CDC42BPB: variants seen among roughly 807,000 people sequenced by gnomAD.
CDC42BPB encodes CDC42 binding protein kinase beta.
CDC42BPB carries 37 observed loss-of-function variants against 214.9 expected under a neutral mutation model. The observed-to-expected ratio is 0.17, with a 90% CI of 0.13 to 0.23. CDC42BPB has a LOEUF of 0.23. Among genes scored for constraint, CDC42BPB ranks in the 10% least tolerant of loss-of-function variants. The pLI, the probability that CDC42BPB is intolerant of heterozygous loss-of-function variation, is 1.00. For missense variants in CDC42BPB, 1,694 were observed against 2,227.0 expected (o/e 0.76, Z 4.82); for synonymous variants, 931 against 884.0 (o/e 1.05, Z -0.94).
At chr14:102,978,978 G>A (rs1399703990) in intron 8 of CDC42BPB, among the ~76,000 whole-genome samples, 2 of 152,206 alleles carry the variant, frequency 1.3e-5, no homozygotes, top group Non-Finnish European at 2.9e-5. Flanking sequence ...CTGTATTCCA[G>A]CCTGGGTGAC....
At chr14:102,987,959 G>A (rs1270352124) in intron 5 of CDC42BPB, among the ~76,000 whole-genome samples, 1 of 151,626 alleles carries the variant, frequency 6.6e-6, no homozygotes, top group Non-Finnish European at 1.5e-5. Flanking sequence ...GGGCGACAGA[G>A]CAAGACCCTG....
In CDC42BPB at chr14:103,008,462, C is replaced by T; in HGVS notation, c.351+10G>A. 6.4e-7 allele frequency: 1 copy of T among 1,569,928 alleles called. No individual in the cohort carries two copies. The highest frequency in any genetic ancestry group is 8.8e-7 in the Non-Finnish European group (1 of 1,139,662). On this transcript the variant is annotated intron_variant, in intron 3 of 36. Transcript: ENST00000361246. ...CCCCATTTGTATGGCTTTTCAAGCT[C>T]CATACTTACCTCTGCTCTTTTCAGC... is the stretch of plus-strand genomic sequence containing the variant.
chr14:102,961,678 G>A (rs1892968880), intron 20 of CDC42BPB, among the ~76,000 whole-genome samples: 2 of 151,992 alleles, frequency 1.3e-5, no homozygotes, highest in Admixed American at 1.3e-4. Flanking sequence ...TGAGTAGCTG[G>A]GATTACAGGC....
At position 102,933,584 on chromosome 14, in the gene CDC42BPB, C is replaced by G; in HGVS notation, c.*128G>C. ...GATCAATATTATAATAAAGATTTGT[C>G]TTCTTCATCTCCATATCTACAAAGT... On this transcript the variant is annotated 3_prime_UTR_variant, in exon 37 of 37. Transcript: ENST00000361246. 1 of 731,496 alleles carries G rather than the reference C, an allele frequency of 1.4e-6. No homozygotes were observed. The highest frequency in any genetic ancestry group is 2.0e-6 in the Non-Finnish European group (1 of 497,178). 45.3% of individuals were successfully genotyped at this position (731,496 alleles called of 1,614,324 possible).
chr14:102,946,203 T>A (rs1190028236), intron 28 of CDC42BPB, among the ~76,000 whole-genome samples: 1 of 152,152 alleles, frequency 6.6e-6, no homozygotes. Context: ...ATTTTTTTTT[T>A]TAGCAGAGAC....
At chr14:102,996,283 TG>T (rs1226033698) in intron 5 of CDC42BPB, among the ~76,000 whole-genome samples, 5 of 152,100 alleles carry the variant, frequency 3.3e-5, no homozygotes, top group Admixed American at 3.3e-4. Context: ...GAGCTTGCAG[TG>T]AGCTGAGATG....
Position 103,004,270 on chromosome 14 carries a change from C to G in CDC42BPB, c.352-247G>C, listed in dbSNP as rs1476545235. 1.0e-6 allele frequency: 1 copy of G among 971,622 alleles called. No individual in the cohort carries two copies. The highest frequency in any genetic ancestry group is 4.3e-5 in the East Asian group (1 of 23,016). 60.2% of individuals were successfully genotyped at this position (971,622 alleles called of 1,614,324 possible). On this transcript the variant is annotated intron_variant, in intron 3 of 36. Transcript: ENST00000361246. This position sits in a 1 kb window ranked among gnomAD's most constrained non-coding sequence, Gnocchi z 5.3. Reference sequence around the variant, plus strand: ...TTGCACCCTGCTGTCCCACGGGCACCATTTCTGTGGCTGACACTTAGATTC... The same window carrying G: ...TTGCACCCTGCTGTCCCACGGGCACGATTTCTGTGGCTGACACTTAGATTC...
intron 1 of CDC42BPB, chr14:103,041,501 A>G: frequency 7.2e-7 from 1 of 1,382,438 alleles, no homozygotes. Flanking sequence ...TGGAAGCCCC[A>G]CTTCCACAAG....
intron 7 of CDC42BPB, chr14:102,981,283 T>C (rs1893985501): frequency 1.4e-6 from 1 of 735,782 alleles, no homozygotes; most frequent in African/African-American, 1.9e-5. Context: ...TGGCAAGGAA[T>C]GTGGGAAACA....
chr14:103,030,988 A>G (rs1486305107), intron 1 of CDC42BPB, among the ~76,000 whole-genome samples: 3 of 151,978 alleles, frequency 2.0e-5, no homozygotes, highest in Non-Finnish European at 4.4e-5. Flanking sequence ...CCCTGTCTCT[A>G]CACACACACA....
intron 1 of CDC42BPB, among the ~76,000 whole-genome samples, chr14:103,019,231 G>A (rs1474365005): frequency 6.6e-6 from 1 of 152,120 alleles, no homozygotes; most frequent in Non-Finnish European, 1.5e-5. Context: ...ACCACACCTG[G>A]CCATCCTGAA....
chr14:103,027,114 A>T (rs771623834), intron 1 of CDC42BPB, among the ~76,000 whole-genome samples: 99 of 152,360 alleles, frequency 6.5e-4, no homozygotes, highest in Middle Eastern at 6.8e-3. Flanking sequence ...AATCAGGGAA[A>T]TGCAAATCAA....
chr14:103,050,903 G>T (rs1005238165), intron 1 of CDC42BPB, among the ~76,000 whole-genome samples: 2 of 152,078 alleles, frequency 1.3e-5, no homozygotes, highest in Admixed American at 6.6e-5. Flanking sequence ...TCCAAGGACC[G>T]AATTTGAATG....
At chr14:103,014,890 AAGAC>A (rs1886368770) in intron 1 of CDC42BPB, among the ~76,000 whole-genome samples, 1 of 152,088 alleles carries the variant, frequency 6.6e-6, no homozygotes, top group Admixed American at 6.5e-5. Context: ...AGTGAAGACA[AAGAC>A]AGATGAGACG....
intron 1 of CDC42BPB, among the ~76,000 whole-genome samples, chr14:103,041,231 G>C (rs923633782): frequency 2.6e-5 from 4 of 152,164 alleles, no homozygotes; most frequent in African/African-American, 4.8e-5. Flanking sequence ...GCGTGCAAAA[G>C]AATGAATGTA....
intron 4 of CDC42BPB, among the ~76,000 whole-genome samples, chr14:103,002,329 C>T (rs1895026423): frequency 6.6e-6 from 1 of 152,234 alleles, no homozygotes; most frequent in South Asian, 2.1e-4. Flanking sequence ...CATGGTACGT[C>T]TACCTGGGCA....
chr14:103,051,154 C>CGGGGGGGGGGG (rs1179516926), intron 1 of CDC42BPB, among the ~76,000 whole-genome samples: 5 of 6,828 alleles, frequency 7.3e-4, no homozygotes, highest in African/African-American at 2.3e-3. Context: ...GTATTTGGGG[C>CGGGGGGGGGGG]GGGGGGGCGG....
chr14:103,004,152 C>T lies in CDC42BPB; in HGVS notation c.352-129G>A, dbSNP rs1351661174. 3 of 1,402,234 alleles carry T rather than the reference C, an allele frequency of 2.1e-6. No homozygotes were observed. Among genetic ancestry groups the T allele is most frequent in the East Asian group, 2.7e-5 (1 of 36,634 alleles). 86.9% of individuals were successfully genotyped at this position (1,402,234 alleles called of 1,614,324 possible). On this transcript the variant is annotated intron_variant, in intron 3 of 36. Coordinates refer to ENST00000361246, the MANE Select transcript of CDC42BPB (RefSeq NM_006035.4). This position sits in a 1 kb window ranked among gnomAD's most constrained non-coding sequence, Gnocchi z 5.3. ...TGTCCCTGCCTTCCGGGCTCCTCCTCGTGCACCACCCCGAGGCTGCTGAGG... is the reference window on the plus strand; with the variant it reads ...TGTCCCTGCCTTCCGGGCTCCTCCTTGTGCACCACCCCGAGGCTGCTGAGG...
chr14:102,974,396 C>G, intron 11 of CDC42BPB: 1 of 982,044 alleles, frequency 1.0e-6, no homozygotes, highest in Non-Finnish European at 1.2e-6. Flanking sequence ...ACAGCGATCT[C>G]CCCTGAGCAC....
Sources: gnomAD v4.1 joint callset for allele counts (sites outside exome capture counted in the v4.1 genomes callset) on GRCh38, gnomAD v4.1.1 for gene constraint, Gnocchi (gnomAD v3.1) non-coding constraint, MANE v1.5 for transcripts, NCBI Gene and HGNC (gene_info 2026-07-23, HGNC 2026-07-21) for gene names.